Variants in JAK3 observed in about 807,000 individuals in gnomAD.
JAK3 encodes Janus kinase 3.
In JAK3, 88 loss-of-function variants were observed where a neutral mutation model predicts 120.8. The ratio of observed to expected loss-of-function variants is 0.73; its 90% confidence interval spans 0.61 to 0.87. The LOEUF is 0.87. JAK3 is among the 40% of genes least tolerant of loss of function. The pLI is 0.00. For synonymous variants in JAK3, 592 were observed against 628.6 expected, an observed-to-expected ratio of 0.94 and a Z score of 0.87; for missense variants, 1,254 against 1,501.4, an observed-to-expected ratio of 0.84 and a Z score of 2.72.
chr19:17,839,005 T>C (rs2057669590), intron 10 of JAK3, among the ~76,000 whole-genome samples: 1 of 152,166 alleles, frequency 6.6e-6, no homozygotes, highest in Admixed American at 6.5e-5. Flanking sequence ...CGTGAGCCAC[T>C]GTGCCTGGCT....
At position 17,833,748 on chromosome 19, in the gene JAK3, G is replaced by T. The variant is rs1039904669; in HGVS notation, c.2351-819C>A. On this transcript the variant is annotated intron_variant, in intron 17 of 23. Transcript: ENST00000458235. ...CGCCCTTGTAATCCTAGCTACTTGGGAGTCTGAGGCGGGAGAATTGCTTGA... is the reference window on the plus strand; with the variant it reads ...CGCCCTTGTAATCCTAGCTACTTGGTAGTCTGAGGCGGGAGAATTGCTTGA... Among the ~76,000 whole-genome samples, 110 of 152,098 alleles carry T rather than the reference G, an allele frequency of 7.2e-4. 2 individuals carry two copies. Among genetic ancestry groups the T allele is most frequent in the Non-Finnish European group, 1.8e-4 (12 of 68,040 alleles).
In JAK3 at chr19:17,842,385, G is replaced by C. The variant is rs2094241911; in HGVS notation, c.792C>G (p.Gly264=). 2 of 1,584,116 alleles carry C rather than the reference G, an allele frequency of 1.3e-6. No individual in the cohort carries two copies. The change falls in exon 6 of 24, where the codon GGC becomes GGG. Residue 264 remains glycine, a synonymous_variant. Coordinates refer to ENST00000458235, the MANE Select transcript of JAK3 (RefSeq NM_000215.4). The surrounding 1 kb of genome is among the most constrained non-coding windows in gnomAD (Gnocchi z 6.4). ...CGCGGAGCAGCCCCAGCCCGTCGTG[G>C]CCACCAAGGGCCCCAGGGAGGCCCA... The part of the protein sequence containing the change: ...FHVGLPGALG[G]HDGLGLLRVA...
Position 17,838,383 on chromosome 19 carries a change from G to A in JAK3, c.1449C>T (p.Ser483=), listed in dbSNP as rs2147689098. Residue 483 remains serine (S), a synonymous_variant, in exon 11 of 24, where the codon TCC becomes TCT. Coordinates refer to ENST00000458235, the MANE Select transcript of JAK3 (RefSeq NM_000215.4). ...GACCTCTCTGGACCACGATCAGGTT[G>A]GACTTTTCTATGGGGAGAGGATGAG... ...SCCIPRPKEK[S]NLIVVQRGHS... is the part of the protein sequence containing the mutation. 1 of 1,614,080 alleles carries A rather than the reference G, an allele frequency of 6.2e-7. No homozygotes were observed. Among genetic ancestry groups the A allele is most frequent in the Non-Finnish European group, 8.5e-7 (1 of 1,180,032 alleles).
intron 10 of JAK3, among the ~76,000 whole-genome samples, chr19:17,838,712 A>ATTTTTT (rs35486965): frequency 4.0e-5 from 4 of 99,334 alleles, no homozygotes; most frequent in African/African-American, 1.1e-4. Flanking sequence ...TGCCCGGCTA[A>ATTTTTT]TTTTTTTTTT....
chr19:17,827,615 G>A (rs2147670841), intron 23 of JAK3, among the ~76,000 whole-genome samples: 1 of 150,752 alleles, frequency 6.6e-6, no homozygotes, highest in South Asian at 2.1e-4. Flanking sequence ...CTAAAGGGCT[G>A]GGATTACAGG....
At position 17,845,289 on chromosome 19, in the gene JAK3, A is replaced by G. The variant is rs563809948; in HGVS notation, c.-13-859T>C. Reference sequence around the variant, plus strand: ...TTCAAGAGATTCTCGTGCCTCAGCCACCCCAGTAGCTGGGATTACAGGTGG... The same window carrying G: ...TTCAAGAGATTCTCGTGCCTCAGCCGCCCCAGTAGCTGGGATTACAGGTGG... On this transcript the variant is annotated intron_variant, in intron 1 of 23. Transcript: ENST00000458235. Among the ~76,000 whole-genome samples the G allele has an allele frequency of 2.4e-3, 364 of 152,078 alleles. 1 individual carries two copies. Among genetic ancestry groups the G allele is most frequent in the Non-Finnish European group, 4.0e-3 (275 of 67,966 alleles).
rs149452625 is a variant in JAK3, at chr19:17,831,706, G to T, written c.2773C>A (p.Arg925Ser). 6.3e-4 allele frequency: 1,020 copies of T among 1,610,550 alleles called. 2 individuals carry two copies. Among genetic ancestry groups the T allele is most frequent in the Admixed American group, 3.3e-3 (198 of 59,560 alleles). ...ATCTGCGAGGAATAGAGAAGGAGGC[G>T]GCTGGCATCGAGGCGCGCGCGGTGC... ...QRHRARLDAS[R>S]LLLYSSQICK... Residue 925 changes from arginine to serine, a missense_variant, in exon 20 of 24, where the codon CGC becomes AGC. By Grantham distance (110) the Arg-to-Ser change is moderately radical. Transcript: ENST00000458235. The surrounding 1 kb of genome is among the most constrained non-coding windows in gnomAD (Gnocchi z 5.1).
rs1346488936 is a variant in JAK3 at position 17,842,867 on chromosome 19, C to T, written c.566+160G>A. On this transcript the variant is annotated intron_variant, in intron 5 of 23. Coordinates refer to ENST00000458235, the MANE Select transcript of JAK3 (RefSeq NM_000215.4). This position sits in a 1 kb window ranked among gnomAD's most constrained non-coding sequence, Gnocchi z 6.4. The stretch of plus-strand genomic sequence containing the variant: ...GGTCAGGTGTCTGTCCAGCTGGAGC[C>T]TGGGGGTGGAGAGGGCTGGGTTCGT... 3 of 1,037,090 alleles carry T rather than the reference C, an allele frequency of 2.9e-6. No homozygotes were observed. Among genetic ancestry groups the T allele is most frequent in the Non-Finnish European group, 4.3e-6 (3 of 696,946 alleles). The allele number at this position is 1,037,090 out of a possible 1,614,324, so 64.2% of individuals were successfully genotyped here.
chr19:17,837,191 A>G lies in JAK3; in HGVS notation c.1724T>C (p.Leu575Ser). 6.4e-7 allele frequency: 1 copy of G among 1,572,090 alleles called. No homozygotes were observed. Among genetic ancestry groups the G allele is most frequent in the Non-Finnish European group, 8.6e-7 (1 of 1,158,202 alleles). Residue 575 changes from leucine to serine, a missense_variant, in exon 13 of 24, where the codon TTG becomes TCG. Leu to Ser is a moderately radical substitution (Grantham distance 145). Transcript: ENST00000458235. Reference sequence around the variant, plus strand: ...ATGCCGGTACGACACTTGGCTCATCAAGCTCGCTGCTTCCAGGAATGACTG... The same window carrying G: ...ATGCCGGTACGACACTTGGCTCATCGAGCTCGCTGCTTCCAGGAATGACTG... ...CMESFLEAASLMSQVSYRHLV... is the reference protein window; with the variant it reads ...CMESFLEAASSMSQVSYRHLV...
intron 1 of JAK3, among the ~76,000 whole-genome samples, chr19:17,847,382 T>C (rs1361599286): frequency 1.3e-5 from 2 of 152,094 alleles, no homozygotes; most frequent in Non-Finnish European, 2.9e-5. Context: ...TCTGTAATAC[T>C]GTAACAAAAA....
rs2094201297 is a variant in JAK3 at position 17,824,840 on chromosome 19, A to G, written c.*1903T>C. On this transcript the variant is annotated 3_prime_UTR_variant, in exon 24 of 24. Coordinates refer to ENST00000458235, the MANE Select transcript of JAK3 (RefSeq NM_000215.4). Reference sequence around the variant, plus strand: ...CATTTCCAGAGCCCCCTCTGTACTGAGGCCTCAGCCCAGCCCCCAAGGAAC... The same window carrying G: ...CATTTCCAGAGCCCCCTCTGTACTGGGGCCTCAGCCCAGCCCCCAAGGAAC... 1.9e-5 allele frequency: 4 copies of G among 206,596 alleles called. No homozygotes were observed. The highest frequency in any genetic ancestry group is 3.0e-5 in the Non-Finnish European group (3 of 101,266). 12.8% of individuals were successfully genotyped at this position (206,596 alleles called of 1,614,324 possible). A position where few individuals can be genotyped will look rare whatever the true frequency, so the allele number is the denominator to read the frequency against.
chr19:17,832,651 C>G lies in JAK3; in HGVS notation c.2548G>C (p.Ala850Pro). 2 of 1,614,250 alleles carry G rather than the reference C, an allele frequency of 1.2e-6. No individual in the cohort carries two copies. The highest frequency in any genetic ancestry group is 1.7e-6 in the Non-Finnish European group (2 of 1,180,050). Residue 850 changes from alanine to proline, a missense_variant, in exon 19 of 24, where the codon GCC (alanine) becomes CCC (proline). Transcript: ENST00000458235. This position sits in a 1 kb window ranked among gnomAD's most constrained non-coding sequence, Gnocchi z 4.7. ...TGCAGCTGTTTCACGGCCACCAGGG[C>G]ACCTGTATTGTCGCCTAGCGGGTCA... The part of the protein sequence containing the change: ...RYDPLGDNTG[A>P]LVAVKQLQHS...
In JAK3 at chr19:17,835,916, G is replaced by T; in HGVS notation, c.1914+8C>A. 6.2e-7 allele frequency: 1 copy of T among 1,613,618 alleles called. No individual in the cohort carries two copies. Among genetic ancestry groups the T allele is most frequent in the Non-Finnish European group, 8.5e-7 (1 of 1,180,022 alleles). ...AATGGAGGGTGGAGCAGGCAGAGGA[G>T]CACTCACCAGATAGTTGAGGGCGTA... On this transcript the variant is annotated splice_region_variant and intron_variant, in intron 14 of 23. Transcript: ENST00000458235.
rs1277795668 is a variant in JAK3 at position 17,842,869 on chromosome 19, G to GGGGGTGGAGA, written c.566+148_566+157dup. 1 of 1,041,122 alleles carries GGGGGTGGAGA rather than the reference G, an allele frequency of 9.6e-7. No individual in the cohort carries two copies. Among genetic ancestry groups the GGGGGTGGAGA allele is most frequent in the East Asian group, 2.6e-5 (1 of 38,672 alleles). 64.5% of individuals were successfully genotyped at this position (1,041,122 alleles called of 1,614,324 possible). ...TCAGGTGTCTGTCCAGCTGGAGCCTGGGGGTGGAGAGGGCTGGGTTCGTGG... is the reference window on the plus strand; with the variant it reads ...TCAGGTGTCTGTCCAGCTGGAGCCTGGGGGTGGAGAGGGGTGGAGAGGGCTGGGTTCGTGG... On this transcript the variant is annotated intron_variant, in intron 5 of 23. Transcript: ENST00000458235. This position sits in a 1 kb window ranked among gnomAD's most constrained non-coding sequence, Gnocchi z 6.4.
Position 17,826,794 on chromosome 19 carries a change from A to C in JAK3, c.3324T>G (p.His1108Gln). The change falls in exon 24 of 24, where the codon CAT becomes CAG. Residue 1108 changes from histidine (H) to glutamine (Q), a missense_variant. Transcript: ENST00000458235. ...TGCCCTCTGGGTGAGCAGTGAAGGC[A>C]TGAGTCTCACACCCCCGGCTTCCGC... is the stretch of plus-strand genomic sequence containing the variant. ...LWSGSRGCET[H>Q]AFTAHPEGKH... The C allele has an allele frequency of 6.2e-7, 1 of 1,614,120 alleles. No homozygotes were observed. The highest frequency in any genetic ancestry group is 1.3e-5 in the African/African-American group (1 of 75,048).
intron 1 of JAK3, among the ~76,000 whole-genome samples, chr19:17,845,362 G>A (rs1456683357): frequency 6.6e-6 from 1 of 152,088 alleles, no homozygotes; most frequent in African/African-American, 2.4e-5. Context: ...TAGAGATGGG[G>A]TTTCACTGAT....
chr19:17,833,153 A>G (rs898917403), intron 17 of JAK3, among the ~76,000 whole-genome samples: 1 of 152,274 alleles, frequency 6.6e-6, no homozygotes, highest in Admixed American at 6.5e-5. Context: ...GTGCAACTCC[A>G]CATGGCTACA....
chr19:17,845,629 G>A (rs1373208292), intron 1 of JAK3, among the ~76,000 whole-genome samples: 1 of 152,120 alleles, frequency 6.6e-6, no homozygotes. Flanking sequence ...CACCCCCATA[G>A]TCCTAGCTAC....
At position 17,837,168 on chromosome 19, in the gene JAK3, G is replaced by A; in HGVS notation, c.1747C>T (p.His583Tyr). 6.4e-7 allele frequency: 1 copy of A among 1,570,478 alleles called. No individual in the cohort carries two copies. The highest frequency in any genetic ancestry group is 8.6e-7 in the Non-Finnish European group (1 of 1,157,852). Reference protein sequence around the residue: ...ASLMSQVSYRHLVLLHGVCMA... With the variant: ...ASLMSQVSYRYLVLLHGVCMA... ...CACACGCCGTGGAGCAGCACGAGAT[G>A]CCGGTACGACACTTGGCTCATCAAG... Residue 583 changes from histidine (H) to tyrosine (Y), a missense_variant, in exon 13 of 24, where the codon CAT becomes TAT. This residue lies in a region of JAK3 where 630 missense variants were observed against 819.8 expected (regional missense o/e 0.77). Coordinates refer to ENST00000458235, the MANE Select transcript of JAK3 (RefSeq NM_000215.4).
Sources: gnomAD v4.1 joint callset for allele counts (sites outside exome capture counted in the v4.1 genomes callset) on GRCh38, gnomAD v4.1.1 for gene constraint, gnomAD v4.1.1 regional missense constraint, Gnocchi (gnomAD v3.1) non-coding constraint, MANE v1.5 for transcripts, NCBI Gene and HGNC (gene_info 2026-07-23, HGNC 2026-07-21) for gene names.